ROPN1L: variants seen among roughly 807,000 people sequenced by gnomAD.
The protein encoded by ROPN1L is rhophilin associated tail protein 1 like, also known as ropporin-1-like protein.
Under a neutral mutation model 22.7 loss-of-function variants are expected in ROPN1L, and 23 were observed. The ratio of observed to expected loss-of-function variants is 1.01; its 90% CI spans 0.73 to 1.43. The LOEUF (loss-of-function observed/expected upper bound fraction) is 1.43. ROPN1L is among the 40% of genes most tolerant of loss of function. The pLI is 0.00. For missense variants in ROPN1L, 271 were observed against 291.5 expected (o/e 0.93, Z 0.51); for synonymous variants, 116 against 117.8 (o/e 0.98, Z 0.10).
the ROPN1L span, among the ~76,000 whole-genome samples, chr5:10,477,377 T>A: frequency 1.3e-5 from 2 of 152,188 alleles, no homozygotes; most frequent in African/African-American, 2.4e-5. Flanking sequence ...CATCTATAGG[T>A]AGCTCCTGCT....
intron 3 of ROPN1L, among the ~76,000 whole-genome samples, chr5:10,453,609 A>G (rs1381665630): frequency 6.6e-6 from 1 of 152,190 alleles, no homozygotes; most frequent in African/African-American, 2.4e-5. Context: ...ATTGGTGGCT[A>G]GCCGCTGCCT....
intron 1 of ROPN1L, among the ~76,000 whole-genome samples, chr5:10,447,344 G>A (rs1741101526): frequency 6.6e-6 from 1 of 151,964 alleles, no homozygotes; most frequent in Non-Finnish European, 1.5e-5. Flanking sequence ...TGCCCCAACA[G>A]TTTCCCACTC....
chr5:10,476,085 C>T (rs1187801547), downstream of ROPN1L, among the ~76,000 whole-genome samples: 2 of 152,276 alleles, frequency 1.3e-5, no homozygotes, highest in African/African-American at 4.8e-5. Flanking sequence ...CCTCCCCTCA[C>T]ATGCCGGCAG....
intron 4 of ROPN1L, 31 bp from the exon 5 acceptor site, chr5:10,464,817 C>A: frequency 1.5e-6 from 2 of 1,304,846 alleles, no homozygotes; most frequent in Non-Finnish European, 2.2e-6. Context: ...GAGAAATTAC[C>A]AATAAATATC....
At chr5:10,473,254 T>TCCAAACGACAA (rs1401703080), downstream of ROPN1L, among the ~76,000 whole-genome samples, 2 of 152,188 alleles carry the variant, frequency 1.3e-5, no homozygotes. Flanking sequence ...AGGGTCTTTG[T>TCCAAACGACAA]AGATGTCGTT....
At chr5:10,480,086 C>A in the ROPN1L span, among the ~76,000 whole-genome samples, 22 of 152,172 alleles carry the variant, frequency 1.4e-4, no homozygotes, top group Admixed American at 1.1e-3. Context: ...AAAAAATAAC[C>A]CATGTCTGAG....
At chr5:10,445,502 G>A (rs1006438349) in intron 1 of ROPN1L, among the ~76,000 whole-genome samples, 1 of 152,122 alleles carries the variant, frequency 6.6e-6, no homozygotes, top group Admixed American at 6.5e-5. Context: ...GAGAGATTGG[G>A]GCTTGGGTGG....
the ROPN1L span, chr5:10,479,404 C>A: frequency 2.0e-5 from 3 of 152,242 alleles, no homozygotes; most frequent in Non-Finnish European, 4.4e-5. Flanking sequence ...GGCTCAGACA[C>A]CCCACATCTT....
At position 10,441,908 on chromosome 5, in the gene ROPN1L, T is replaced by C. The variant is rs866529804; in HGVS notation, c.-260T>C. On this transcript the variant is annotated 5_prime_UTR_variant, in exon 1 of 5. Coordinates refer to ENST00000274134, the MANE Select transcript of ROPN1L (RefSeq NM_031916.5). ...CCCGGGTGCCTGGATACCGAGCGCG[T>C]CCGTAGTGGCGGCTGGCGCTAGGGA... 1.3e-5 allele frequency: 4 copies of C among 304,746 alleles called. No homozygotes were observed. Among genetic ancestry groups the C allele is most frequent in the African/African-American group, 4.4e-5 (2 of 45,650 alleles). 18.9% of individuals were successfully genotyped at this position (304,746 alleles called of 1,614,324 possible). A position where few individuals can be genotyped will look rare whatever the true frequency, so the allele number is the denominator to read the frequency against.
At chr5:10,471,374 C>G (rs1190064773) in intron 4 of ROPN1L, among the ~76,000 whole-genome samples, 1 of 151,998 alleles carries the variant, frequency 6.6e-6, no homozygotes, top group Non-Finnish European at 1.5e-5. Flanking sequence ...TCACAAACTC[C>G]TGACCTCAAG....
chr5:10,473,743 A>G (rs1408691518), downstream of ROPN1L, among the ~76,000 whole-genome samples: 1 of 152,232 alleles, frequency 6.6e-6, no homozygotes, highest in Non-Finnish European at 1.5e-5. Context: ...CCCTTTAAGG[A>G]ATCAAGAGGT....
At chr5:10,456,948 G>A (rs1003968009) in intron 3 of ROPN1L, among the ~76,000 whole-genome samples, 1 of 152,180 alleles carries the variant, frequency 6.6e-6, no homozygotes, top group Non-Finnish European at 1.5e-5. Flanking sequence ...AGGCCCCGCA[G>A]TCCTGCACAC....
At chr5:10,469,815 C>G (rs1460314812), downstream of ROPN1L, among the ~76,000 whole-genome samples, 1 of 152,188 alleles carries the variant, frequency 6.6e-6, no homozygotes, top group Non-Finnish European at 1.5e-5. Flanking sequence ...AGAATGAAAG[C>G]AGGGATGACT....
In ROPN1L at chr5:10,443,247, C is replaced by T. The variant is rs142914374; in HGVS notation, c.131+949C>T. Among the ~76,000 whole-genome samples, 5 of 152,258 alleles carry T rather than the reference C, an allele frequency of 3.3e-5. No individual in the cohort carries two copies. In the East Asian group the frequency reaches 9.6e-4, roughly 29 times the overall value. On this transcript the variant is annotated intron_variant, in intron 1 of 4. Coordinates refer to ENST00000274134, the MANE Select transcript of ROPN1L (RefSeq NM_031916.5). ...AAAAAAAACAGCCAAATTTTGCTGG[C>T]TTTAAACTCTATAACCAAAGTGAAT... is the stretch of plus-strand genomic sequence containing the variant.
chr5:10,466,512 G>A (rs1483426729), downstream of ROPN1L, among the ~76,000 whole-genome samples: 3 of 152,134 alleles, frequency 2.0e-5, no homozygotes, highest in Non-Finnish European at 1.5e-5. Context: ...GAATATCACC[G>A]TAAATAAACT....
At chr5:10,446,735 G>C (rs879293905) in intron 1 of ROPN1L, among the ~76,000 whole-genome samples, 1 of 152,006 alleles carries the variant, frequency 6.6e-6, no homozygotes, top group Non-Finnish European at 1.5e-5. Flanking sequence ...GGGGGAAAGA[G>C]GAGGAGCATT....
At position 10,449,941 on chromosome 5, in the gene ROPN1L, T is replaced by A. The variant is rs998600493; in HGVS notation, c.256-11T>A. ...ACATACATAAATTGTCATGCTGTGT[T>A]TTCCAAACAGTGTCACCACAAGCGG... On this transcript the variant is annotated splice_polypyrimidine_tract_variant and intron_variant, in intron 2 of 4. Coordinates refer to ENST00000274134, the MANE Select transcript of ROPN1L (RefSeq NM_031916.5). 15 of 1,601,932 alleles carry A rather than the reference T, an allele frequency of 9.4e-6. No homozygotes were observed. The highest frequency in any genetic ancestry group is 1.3e-5 in the Non-Finnish European group (15 of 1,175,108).
Position 10,464,953 on chromosome 5 carries a change from A to C in ROPN1L, c.*6A>C. 6.6e-7 allele frequency: 1 copy of C among 1,507,520 alleles called. No homozygotes were observed. Among genetic ancestry groups the C allele is most frequent in the Non-Finnish European group, 9.0e-7 (1 of 1,105,612 alleles). 93.4% of individuals were successfully genotyped at this position (1,507,520 alleles called of 1,614,324 possible). A position where few individuals can be genotyped will look rare whatever the true frequency, so the allele number is the denominator to read the frequency against. Reference sequence around the variant, plus strand: ...CTGAAGATGTAGGCCATTAATACAGAGAAGAATACATTTTAATGTCAAAAT... The same window carrying C: ...CTGAAGATGTAGGCCATTAATACAGCGAAGAATACATTTTAATGTCAAAAT... On this transcript the variant is annotated 3_prime_UTR_variant, in exon 5 of 5. Transcript: ENST00000274134.
At chr5:10,448,560 G>C (rs766054480) in intron 2 of ROPN1L, among the ~76,000 whole-genome samples, 177 bp downstream of exon 2, 2 of 152,212 alleles carry the variant, frequency 1.3e-5, no homozygotes, top group Non-Finnish European at 2.9e-5. Flanking sequence ...GAAGAAATAT[G>C]TTGTGTCTGG....
Sources: gnomAD v4.1 joint callset for allele counts (sites outside exome capture counted in the v4.1 genomes callset) on GRCh38, gnomAD v4.1.1 for gene constraint, MANE v1.5 for transcripts, NCBI Gene and HGNC (gene_info 2026-07-23, HGNC 2026-07-21) for gene names.